Variants in LRRTM4 observed in about 807,000 individuals in gnomAD.
The protein encoded by LRRTM4 is leucine rich repeat transmembrane neuronal 4.
In LRRTM4, 25 loss-of-function variants were observed where a neutral mutation model predicts 47.6. The observed-to-expected ratio is 0.53, with a 90% confidence interval of 0.38 to 0.73. LRRTM4 has a LOEUF of 0.73. LRRTM4 is among the 30% of genes least tolerant of loss of function. LRRTM4 has a pLI of 0.00. For missense variants in LRRTM4, 638 were observed against 713.4 expected, an observed-to-expected ratio of 0.89 and a Z score of 1.20; for synonymous variants, 311 against 269.5, an observed-to-expected ratio of 1.15 and a Z score of -1.51.
chr2:77,207,162 A>ATATG (rs1457527822), intron 3 of LRRTM4, among the ~76,000 whole-genome samples: 1 of 146,230 alleles, frequency 6.8e-6, no homozygotes, highest in African/African-American at 2.5e-5. Flanking sequence ...ATATATATAT[A>ATATG]TAGAAAATTT....
Position 77,004,893 on chromosome 2 carries a change from C to T in LRRTM4, c.1552-255977G>A, listed in dbSNP as rs559546347. ...TTCCAAGTTTTAAGATTTGACTGCC[C>T]CGCTGGATTTCTGACTTGCATGGGG... On this transcript the variant is annotated intron_variant, in intron 3 of 3. Transcript: ENST00000409884. Among the ~76,000 whole-genome samples, 6 of 152,244 alleles carry T rather than the reference C, an allele frequency of 3.9e-5. No individual in the cohort carries two copies. In the South Asian group the frequency reaches 1.2e-3, roughly 32 times the overall value.
chr2:77,394,921 G>A (rs924882681), intron 3 of LRRTM4, among the ~76,000 whole-genome samples: 1 of 151,902 alleles, frequency 6.6e-6, no homozygotes, highest in Non-Finnish European at 1.5e-5. Flanking sequence ...TTGTGGAACA[G>A]GGGGTGGAGG....
At chr2:77,510,946 G>A (rs1678961717) in intron 3 of LRRTM4, among the ~76,000 whole-genome samples, 3 of 151,952 alleles carry the variant, frequency 2.0e-5, no homozygotes, top group Non-Finnish European at 4.4e-5. Context: ...TCCACTAGAA[G>A]AATTTGTGTT....
intron 3 of LRRTM4, among the ~76,000 whole-genome samples, chr2:77,041,345 G>A (rs932729078): frequency 2.6e-5 from 4 of 151,506 alleles, no homozygotes; most frequent in African/African-American, 7.3e-5. Flanking sequence ...CACTTAGGTT[G>A]ATTTCATAAG....
At chr2:76,939,152 T>TG (rs1675051931) in intron 3 of LRRTM4, among the ~76,000 whole-genome samples, 1 of 133,398 alleles carries the variant, frequency 7.5e-6, no homozygotes, top group Non-Finnish European at 1.5e-5. Flanking sequence ...AACCTGTTAC[T>TG]GAAAAAAAAA....
At chr2:76,870,279 G>A (rs986936058) in intron 3 of LRRTM4, among the ~76,000 whole-genome samples, 4 of 152,076 alleles carry the variant, frequency 2.6e-5, no homozygotes, top group Non-Finnish European at 5.9e-5. Flanking sequence ...TGAGTAGTCT[G>A]ACAAGGTCTT....
intron 3 of LRRTM4, among the ~76,000 whole-genome samples, chr2:76,762,970 G>A (rs375550680): frequency 7.2e-5 from 11 of 152,200 alleles, no homozygotes; most frequent in East Asian, 3.9e-4. Context: ...TATGACTGAC[G>A]GAAAAGAGAG....
intron 3 of LRRTM4, among the ~76,000 whole-genome samples, chr2:77,324,344 T>C (rs1314214934): frequency 6.6e-6 from 1 of 152,090 alleles, no homozygotes; most frequent in Non-Finnish European, 1.5e-5. Flanking sequence ...AGAGACAGAT[T>C]ATTAAATAGG....
chr2:77,419,564 A>C (rs372398914), intron 3 of LRRTM4, among the ~76,000 whole-genome samples: 3 of 152,318 alleles, frequency 2.0e-5, no homozygotes, highest in East Asian at 3.9e-4. Flanking sequence ...ACAAGAAAAA[A>C]AATCTGTACA....
At chr2:77,122,863 T>C (rs1310899928) in intron 3 of LRRTM4, among the ~76,000 whole-genome samples, 1 of 151,834 alleles carries the variant, frequency 6.6e-6, no homozygotes, top group East Asian at 1.9e-4. Flanking sequence ...AAATACTATA[T>C]GTGTTATTTT....
intron 3 of LRRTM4, among the ~76,000 whole-genome samples, chr2:77,076,758 T>C (rs1052723167): frequency 5.9e-5 from 9 of 152,166 alleles, no homozygotes; most frequent in African/African-American, 2.2e-4. Context: ...TGCGTGATTT[T>C]GAGATAACAT....
chr2:77,492,082 A>G (rs1361300054), intron 3 of LRRTM4, among the ~76,000 whole-genome samples: 1 of 152,170 alleles, frequency 6.6e-6, no homozygotes, highest in Non-Finnish European at 1.5e-5. Context: ...ATATGTAAAT[A>G]TATTTTATGA....
At chr2:76,951,766 T>A (rs1463315599) in intron 3 of LRRTM4, among the ~76,000 whole-genome samples, 1 of 151,864 alleles carries the variant, frequency 6.6e-6, no homozygotes, top group African/African-American at 2.4e-5. Flanking sequence ...TTTGTCCTAA[T>A]GCTCTCCCTC....
chr2:77,520,532 T>C (rs1464371327), intron 2 of LRRTM4, among the ~76,000 whole-genome samples: 1 of 152,070 alleles, frequency 6.6e-6, no homozygotes, highest in African/African-American at 2.4e-5. Flanking sequence ...ATACTGTGGC[T>C]CCCTGCCCAA....
intron 3 of LRRTM4, among the ~76,000 whole-genome samples, chr2:77,032,518 A>G (rs1292979975): frequency 6.6e-6 from 1 of 152,180 alleles, no homozygotes; most frequent in Non-Finnish European, 1.5e-5. Context: ...GGCACAAAAT[A>G]GAAGTTCAAT....
At chr2:76,791,052 G>T (rs1480861824) in intron 3 of LRRTM4, among the ~76,000 whole-genome samples, 1 of 152,128 alleles carries the variant, frequency 6.6e-6, no homozygotes, top group African/African-American at 2.4e-5. Flanking sequence ...ATTTACTGGG[G>T]CTATAACACT....
intron 3 of LRRTM4, among the ~76,000 whole-genome samples, chr2:77,435,070 TC>T (rs1449100542): frequency 6.6e-6 from 1 of 151,956 alleles, no homozygotes; most frequent in Non-Finnish European, 1.5e-5. Flanking sequence ...ATGCCTAGCC[TC>T]CCTCTGCCCA....
At chr2:76,992,189 G>T (rs984477462) in intron 3 of LRRTM4, among the ~76,000 whole-genome samples, 1 of 151,714 alleles carries the variant, frequency 6.6e-6, no homozygotes, top group Non-Finnish European at 1.5e-5. Flanking sequence ...ATAATGGGTG[G>T]GCAAATGCTG....
At chr2:76,807,332 G>C (rs1025431736) in intron 3 of LRRTM4, among the ~76,000 whole-genome samples, 1 of 148,458 alleles carries the variant, frequency 6.7e-6, no homozygotes, top group African/African-American at 2.5e-5. Context: ...TGAAGAAACA[G>C]ATAGTTGTAA....
Sources: allele counts gnomAD v4.1 joint callset (sites outside exome capture counted in the v4.1 genomes callset), GRCh38; gene constraint gnomAD v4.1.1; transcripts MANE v1.5; gene names NCBI Gene and HGNC (gene_info 2026-07-23, HGNC 2026-07-21).